Variants in ACOT12 observed in about 807,000 individuals in gnomAD.
The protein encoded by ACOT12 is acyl-CoA thioesterase 12.
In ACOT12, 51 loss-of-function variants were observed where a neutral mutation model predicts 67.7. The observed-to-expected ratio is 0.75, with a 90% CI of 0.60 to 0.95. The LOEUF is 0.95. ACOT12 is among the 40% of genes least tolerant of loss of function. ACOT12 has a pLI of 0.00. For synonymous variants in ACOT12, 251 were observed against 244.6 expected, an observed-to-expected ratio of 1.03 and a Z score of -0.24; for missense variants, 734 against 708.1, an observed-to-expected ratio of 1.04 and a Z score of -0.41.
chr5:81,344,213 A>T lies in ACOT12; in HGVS notation c.927T>A (p.Asp309Glu). ...TAGCTCCCCGATAGCGTCTGAAATCATCCTTTAATCAAAAACAAAGTAAAA... is the reference window on the plus strand; with the variant it reads ...TAGCTCCCCGATAGCGTCTGAAATCTTCCTTTAATCAAAAACAAAGTAAAA... ...TFPRIQPISK[D>E]DFRRYRGAIA... The change falls in exon 9 of 15, where the codon GAT becomes GAA. Residue 309 changes from aspartate (D) to glutamate (E), a missense_variant and splice_region_variant. Transcript: ENST00000307624. The T allele has an allele frequency of 6.2e-7, 1 of 1,612,666 alleles. No individual in the cohort carries two copies. Among genetic ancestry groups the T allele is most frequent in the Non-Finnish European group, 8.5e-7 (1 of 1,179,386 alleles).
intron 2 of ACOT12, among the ~76,000 whole-genome samples, chr5:81,379,816 C>A (rs1416610948): frequency 6.6e-6 from 1 of 152,098 alleles, no homozygotes; most frequent in Non-Finnish European, 1.5e-5. Context: ...CTCACTGGAG[C>A]CTTAAATTCC....
intron 2 of ACOT12, among the ~76,000 whole-genome samples, chr5:81,384,740 C>T (rs1385125661): frequency 1.3e-5 from 2 of 152,124 alleles, no homozygotes; most frequent in Admixed American, 6.5e-5. Flanking sequence ...ACTGTATAGA[C>T]TGAAACATTT....
At chr5:81,376,265 G>T (rs989302742) in intron 2 of ACOT12, among the ~76,000 whole-genome samples, 8 of 151,886 alleles carry the variant, frequency 5.3e-5, no homozygotes, top group Non-Finnish European at 1.2e-4. Flanking sequence ...AATGAAGGCA[G>T]AAATAAATAA....
intron 11 of ACOT12, among the ~76,000 whole-genome samples, chr5:81,338,587 C>T (rs1425615801): frequency 6.6e-6 from 1 of 152,096 alleles, no homozygotes; most frequent in Non-Finnish European, 1.5e-5. Context: ...TATAAATTAC[C>T]CAGTCTCAGG....
rs1247196788 is a variant in ACOT12 at position 81,347,815 on chromosome 5, C to T, written c.612G>A (p.Gln204=). 1 of 1,614,218 alleles carries T rather than the reference C, an allele frequency of 6.2e-7. No homozygotes were observed. Residue 204 remains glutamine, a synonymous_variant, in exon 6 of 15, where the codon CAG becomes CAA. Transcript: ENST00000307624. ...ANHHGNTFGG[Q]IMAWMETVAT... Reference sequence around the variant, plus strand: ...CCACTGTCTCCATCCACGCCATAATCTGGCCACCAAATGTATTTCCGTGAT... The same window carrying T: ...CCACTGTCTCCATCCACGCCATAATTTGGCCACCAAATGTATTTCCGTGAT...
intron 2 of ACOT12, among the ~76,000 whole-genome samples, chr5:81,373,880 C>A (rs1760330765): frequency 6.6e-6 from 1 of 152,146 alleles, no homozygotes; most frequent in Non-Finnish European, 1.5e-5. Flanking sequence ...GGACAGAGCA[C>A]ATGGGGGAAG....
At chr5:81,358,339 G>A (rs760800733) in intron 5 of ACOT12, among the ~76,000 whole-genome samples, 1 of 152,172 alleles carries the variant, frequency 6.6e-6, no homozygotes, top group African/African-American at 2.4e-5. Context: ...TGGGATTTAA[G>A]GGATGAGGAG....
intron 5 of ACOT12, among the ~76,000 whole-genome samples, chr5:81,350,885 C>T (rs1386186696): frequency 5.3e-5 from 8 of 152,140 alleles, no homozygotes; most frequent in Non-Finnish European, 1.0e-4. Context: ...TTCCCTGATC[C>T]AACCTTCTCC....
chr5:81,371,631 C>T, intron 3 of ACOT12, 119 bp downstream of exon 3: 2 of 977,350 alleles, frequency 2.0e-6, no homozygotes, highest in Non-Finnish European at 3.2e-6. Flanking sequence ...CATTCCAGAG[C>T]CTTCTGAAAT....
downstream of ACOT12, among the ~76,000 whole-genome samples, chr5:81,327,270 T>G: frequency 6.6e-6 from 1 of 151,548 alleles, no homozygotes; most frequent in East Asian, 1.9e-4. Context: ...CTTTCCATTA[T>G]TTATTAAAAT....
chr5:81,320,202 A>G, the ACOT12 span, among the ~76,000 whole-genome samples: 1 of 152,238 alleles, frequency 6.6e-6, no homozygotes, highest in Non-Finnish European at 1.5e-5. Flanking sequence ...CCAGATATTA[A>G]GTGAATGCAG....
At chr5:81,333,907 T>G (rs1427544005) in intron 12 of ACOT12, among the ~76,000 whole-genome samples, 6 of 147,846 alleles carry the variant, frequency 4.1e-5, no homozygotes. Flanking sequence ...TTTGGCCCAC[T>G]GCACCCCACA....
In ACOT12 at chr5:81,386,372, T is replaced by C. The variant is rs142696047; in HGVS notation, c.128-546A>G. On this transcript the variant is annotated intron_variant, in intron 1 of 14. Coordinates refer to ENST00000307624, the MANE Select transcript of ACOT12 (RefSeq NM_130767.3). ...GATATTTAGTCAATATTTATTTTAT[T>C]ATTACCAAATTTATGCCAAATTCAG... Among the ~76,000 whole-genome samples, 448 of 152,336 alleles carry C rather than the reference T, an allele frequency of 2.9e-3. 1 individual carries two copies. The highest frequency in any genetic ancestry group is 0.01 in the African/African-American group (432 of 41,574).
chr5:81,338,494 A>C (rs1212227490), intron 11 of ACOT12, among the ~76,000 whole-genome samples: 2 of 152,142 alleles, frequency 1.3e-5, no homozygotes, highest in African/African-American at 4.8e-5. Flanking sequence ...ACCTTCTGCC[A>C]CGATTGTAAG....
At chr5:81,384,064 C>CAACT (rs1180765214) in intron 2 of ACOT12, among the ~76,000 whole-genome samples, 1 of 151,326 alleles carries the variant, frequency 6.6e-6, no homozygotes, top group Non-Finnish European at 1.5e-5. Context: ...TCCTGCAGAG[C>CAACT]AACTTCCAGC....
chr5:81,360,758 A>G (rs1381866007), intron 4 of ACOT12, among the ~76,000 whole-genome samples: 3 of 152,134 alleles, frequency 2.0e-5, no homozygotes, highest in African/African-American at 7.2e-5. Context: ...GGCCAAGATA[A>G]GGATGAAATA....
At chr5:81,346,151 G>A (rs1351428449) in intron 6 of ACOT12, 147 bp from the exon 7 acceptor site, 44 of 1,237,320 alleles carry the variant, frequency 3.6e-5, no homozygotes, top group East Asian at 5.4e-5. Context: ...AGGTCTGCAC[G>A]CTACCTGCCA....
intron 4 of ACOT12, 125 bp downstream of exon 4, chr5:81,363,663 A>G (rs1220894053): frequency 1.6e-6 from 1 of 608,036 alleles, no homozygotes; most frequent in Admixed American, 3.7e-5. Context: ...ATTGGTGAAT[A>G]ACAAATCTTG....
chr5:81,381,068 CTT>C (rs754165884), intron 2 of ACOT12, among the ~76,000 whole-genome samples: 5 of 142,282 alleles, frequency 3.5e-5, no homozygotes, highest in Admixed American at 7.1e-5. Context: ...GTATTAAAAC[CTT>C]TTTTTTTTTT....
Sources: gnomAD v4.1 joint callset for allele counts (sites outside exome capture counted in the v4.1 genomes callset) on GRCh38, gnomAD v4.1.1 for gene constraint, MANE v1.5 for transcripts, NCBI Gene and HGNC (gene_info 2026-07-23, HGNC 2026-07-21) for gene names.